ATP6V1C2: variants seen among roughly 807,000 people sequenced by gnomAD.
ATP6V1C2 encodes V-type proton ATPase subunit C 2.
A neutral mutation model predicts 56.8 loss-of-function variants in ATP6V1C2; 45 were observed. The observed-to-expected ratio is 0.79, with a 90% CI of 0.62 to 1.02. The LOEUF (loss-of-function observed/expected upper bound fraction) is 1.02. Among genes scored for constraint, ATP6V1C2 ranks in the 50% least tolerant of loss-of-function variants. The pLI, the probability that ATP6V1C2 is intolerant of heterozygous loss-of-function variation, is 0.00. For synonymous variants in ATP6V1C2, 220 were observed against 201.3 expected (o/e 1.09, Z -0.79); for missense variants, 463 against 519.7 (o/e 0.89, Z 1.06).
chr2:10,739,556 G>A (rs1662434959), intron 3 of ATP6V1C2, among the ~76,000 whole-genome samples: 1 of 151,962 alleles, frequency 6.6e-6, no homozygotes, highest in African/African-American at 2.4e-5. Flanking sequence ...CAGCCTAGCA[G>A]GGCAGGCTGC....
chr2:10,727,215 A>T (rs1255854986), intron 3 of ATP6V1C2, among the ~76,000 whole-genome samples: 1 of 151,468 alleles, frequency 6.6e-6, no homozygotes, highest in African/African-American at 2.4e-5. Context: ...GACTACAGAC[A>T]CCCTCCACCA....
Position 10,782,280 on chromosome 2 carries a change from C to T in ATP6V1C2, c.1099C>T (p.Gln367Ter). 1 of 1,614,220 alleles carries T rather than the reference C, an allele frequency of 6.2e-7. No individual in the cohort carries two copies. The highest frequency in any genetic ancestry group is 1.1e-5 in the South Asian group (1 of 91,078). Residue 367 changes from glutamine to a stop codon, truncating the protein, a stop_gained, in exon 13 of 14, where the codon CAG becomes TAG. Coordinates refer to ENST00000272238, the MANE Select transcript of ATP6V1C2 (RefSeq NM_001039362.2). LOFTEE classifies it high-confidence loss of function. ...LPVNFQAVLL[Q>*]PHKKSSTKRL... ...AGTGAACTTCCAGGCAGTGCTCCTG[C>T]AGCCGCATAAGAAGTCATCCACCAA...
At chr2:10,782,882 G>A (rs1451287678) in intron 13 of ATP6V1C2, among the ~76,000 whole-genome samples, 2 of 146,760 alleles carry the variant, frequency 1.4e-5, no homozygotes, top group Admixed American at 6.9e-5. Flanking sequence ...GAGTGGTGGT[G>A]CATGCCTGTA....
chr2:10,741,248 T>C (rs1662535604), intron 3 of ATP6V1C2, among the ~76,000 whole-genome samples: 1 of 152,250 alleles, frequency 6.6e-6, no homozygotes, highest in South Asian at 2.1e-4. Flanking sequence ...GGGAGCCTCC[T>C]AGTGAGCCTC....
chr2:10,760,335 C>T (rs984894902), intron 4 of ATP6V1C2, among the ~76,000 whole-genome samples: 83 of 151,630 alleles, frequency 5.5e-4, no homozygotes, highest in African/African-American at 2.0e-3. Context: ...GGTGCCACTG[C>T]ACTCCAGCCT....
chr2:10,764,709 C>T (rs762923731), intron 5 of ATP6V1C2, among the ~76,000 whole-genome samples: 9 of 152,234 alleles, frequency 5.9e-5, no homozygotes, highest in Non-Finnish European at 1.2e-4. Context: ...CGGTGGCTTA[C>T]GCCTGTAATC....
chr2:10,747,583 G>C lies in ATP6V1C2; in HGVS notation c.198-6398G>C, dbSNP rs564645503. Among the ~76,000 whole-genome samples, 244 of 152,160 alleles carry C rather than the reference G, an allele frequency of 1.6e-3. 2 individuals carry two copies. The highest frequency in any genetic ancestry group is 5.6e-3 in the African/African-American group (232 of 41,522). On this transcript the variant is annotated intron_variant, in intron 3 of 13. Coordinates refer to ENST00000272238, the MANE Select transcript of ATP6V1C2 (RefSeq NM_001039362.2). Reference sequence around the variant, plus strand: ...TCTCAATAGTGTGCTTTCTAAGCTGGGGACAGTGGCACATTTCTGTAGTCT... The same window carrying C: ...TCTCAATAGTGTGCTTTCTAAGCTGCGGACAGTGGCACATTTCTGTAGTCT...
intron 1 of ATP6V1C2, among the ~76,000 whole-genome samples, chr2:10,722,537 G>T (rs1200987974): frequency 6.6e-6 from 1 of 152,124 alleles, no homozygotes; most frequent in African/African-American, 2.4e-5. Flanking sequence ...GTTTTATGAT[G>T]CCTGATAGGG....
At chr2:10,776,271 G>A (rs962445184) in intron 10 of ATP6V1C2, among the ~76,000 whole-genome samples, 2 of 78,776 alleles carry the variant, frequency 2.5e-5, no homozygotes, top group South Asian at 5.1e-4. Flanking sequence ...ACACACGTGT[G>A]TGTGTGTGTG....
At chr2:10,754,106 C>G (rs570098959) in intron 4 of ATP6V1C2, 40 bp downstream of exon 4, 3 of 1,527,486 alleles carry the variant, frequency 2.0e-6, no homozygotes, top group Non-Finnish European at 2.7e-6. Flanking sequence ...ACAATCTCCC[C>G]GCTCCCTCTA....
At chr2:10,759,543 C>T (rs918268563) in intron 4 of ATP6V1C2, among the ~76,000 whole-genome samples, 1 of 152,154 alleles carries the variant, frequency 6.6e-6, no homozygotes, top group African/African-American at 2.4e-5. Context: ...CTGCCTGGGT[C>T]ATGGCCTGAC....
chr2:10,755,534 T>C (rs1284108986), intron 4 of ATP6V1C2, among the ~76,000 whole-genome samples: 2 of 152,172 alleles, frequency 1.3e-5, no homozygotes, highest in African/African-American at 4.8e-5. Context: ...TTGTTCCCCT[T>C]CATAAATTCA....
chr2:10,733,811 T>C (rs1662100364), intron 3 of ATP6V1C2, among the ~76,000 whole-genome samples: 2 of 152,160 alleles, frequency 1.3e-5, no homozygotes, highest in Admixed American at 6.5e-5. Context: ...TGCTTGCCCC[T>C]AAGTGCTTCC....
chr2:10,721,600 G>A (rs1166065922), upstream of ATP6V1C2: 1 of 151,818 alleles, frequency 6.6e-6, no homozygotes. Flanking sequence ...CAGAGCCCGG[G>A]ATAAAAGGCG....
intron 3 of ATP6V1C2, among the ~76,000 whole-genome samples, chr2:10,729,415 G>GCATT (rs1384737388): frequency 6.6e-6 from 1 of 151,948 alleles, no homozygotes; most frequent in Non-Finnish European, 1.5e-5. Flanking sequence ...TCATTGGAAA[G>GCATT]CATTTATAGA....
In ATP6V1C2 at chr2:10,732,692, G is replaced by T. The variant is rs139899361; in HGVS notation, c.197+6123G>T. Among the ~76,000 whole-genome samples the T allele has an allele frequency of 5.2e-3, 791 of 152,192 alleles. 7 individuals are homozygous for T. Among genetic ancestry groups the T allele is most frequent in the African/African-American group, 0.018 (746 of 41,544 alleles). ...ATATGTTTAAGAAAAAGAAATGAAGGCCAGGCGCGGTGGCTCACGCCTGTA... is the reference window on the plus strand; with the variant it reads ...ATATGTTTAAGAAAAAGAAATGAAGTCCAGGCGCGGTGGCTCACGCCTGTA... On this transcript the variant is annotated intron_variant, in intron 3 of 13. Coordinates refer to ENST00000272238, the MANE Select transcript of ATP6V1C2 (RefSeq NM_001039362.2).
At position 10,779,428 on chromosome 2, in the gene ATP6V1C2, A is replaced by AAAT. The variant is rs1553335346; in HGVS notation, c.1061+760_1061+761insATA. On this transcript the variant is annotated intron_variant, in intron 12 of 13. Transcript: ENST00000272238. The stretch of plus-strand genomic sequence containing the variant: ...CCGGCCTTTGCCTAATAAAAAAAAA[A>AAAT]ATATATATATATATGTATGTATATA... Among the ~76,000 whole-genome samples the AAAT allele has an allele frequency of 2.2e-3, 301 of 138,330 alleles. 3 individuals are homozygous for AAAT. The highest frequency in any genetic ancestry group is 7.2e-3 in the African/African-American group (267 of 36,904). The allele number at this position is 138,330 out of a possible 152,430, so 90.7% of individuals were successfully genotyped here.
At chr2:10,770,104 T>C (rs1292824691) in intron 6 of ATP6V1C2, 1 of 151,706 alleles carries the variant, frequency 6.6e-6, no homozygotes, top group Admixed American at 6.6e-5. Context: ...TTAAAAACCA[T>C]AGATGGTTTT....
chr2:10,772,675 C>A, intron 8 of ATP6V1C2, 65 bp downstream of exon 8: 1 of 1,411,900 alleles, frequency 7.1e-7, no homozygotes, highest in Non-Finnish European at 1.0e-6. Context: ...TCAGGGCACC[C>A]AACCACCAAA....
Sources: gnomAD v4.1 joint callset for allele counts (sites outside exome capture counted in the v4.1 genomes callset) on GRCh38, gnomAD v4.1.1 for gene constraint, MANE v1.5 for transcripts, NCBI Gene and HGNC (gene_info 2026-07-23, HGNC 2026-07-21) for gene names.